The following OPCML variants were observed in gnomAD, a reference collection of about 807,000 sequenced individuals.
The protein encoded by OPCML is opioid-binding protein/cell adhesion molecule.
OPCML carries 13 observed loss-of-function variants against 37.8 expected under a neutral mutation model. The observed-to-expected ratio is 0.34, with a 90% confidence interval of 0.22 to 0.55. OPCML has a LOEUF of 0.55. Ranked by LOEUF, OPCML falls within the 20% of genes least tolerant of loss-of-function variation. The probability of loss-of-function intolerance (pLI) is 0.91; values close to 1 mark genes in which losing one functional copy is unlikely to be tolerated. For missense variants in OPCML, 341 were observed against 435.6 expected, an observed-to-expected ratio of 0.78 and a Z score of 1.93; for synonymous variants, 176 against 168.8, an observed-to-expected ratio of 1.04 and a Z score of -0.33.
At chr11:132,479,540 G>A (rs2096170735) in intron 4 of OPCML, among the ~76,000 whole-genome samples, 1 of 152,202 alleles carries the variant, frequency 6.6e-6, no homozygotes, top group Non-Finnish European at 1.5e-5. Flanking sequence ...AAGGAGGCCT[G>A]CCTGCCTCTG....
At chr11:133,118,514 C>T (rs145963678) in intron 1 of OPCML, 1 of 685,666 alleles carries the variant, frequency 1.5e-6, no homozygotes, top group African/African-American at 2.0e-5. Context: ...GAGAGAATTG[C>T]TCAGTAGCAA....
intron 1 of OPCML, among the ~76,000 whole-genome samples, chr11:133,150,664 T>C (rs894785013): frequency 2.6e-5 from 4 of 152,174 alleles, no homozygotes; most frequent in African/African-American, 7.2e-5. Context: ...CAGCACCCAC[T>C]GTGCAGTGTC....
chr11:133,532,414 A>G lies in OPCML; in HGVS notation c.-90T>C, dbSNP rs1814495633. 3 of 1,498,502 alleles carry G rather than the reference A, an allele frequency of 2.0e-6. No individual in the cohort carries two copies. The highest frequency in any genetic ancestry group is 2.7e-6 in the Non-Finnish European group (3 of 1,096,050). 92.8% of individuals were successfully genotyped at this position (1,498,502 alleles called of 1,614,324 possible). On this transcript the variant is annotated 5_prime_UTR_variant, in exon 1 of 8. Transcript: ENST00000524381. ...CCTTCCTCTGTGCTGAATTCTGAGC[A>G]GGTTTAAATCCAATGTTTGCAAAGG... is the stretch of plus-strand genomic sequence containing the variant.
intron 1 of OPCML, among the ~76,000 whole-genome samples, chr11:133,149,842 A>G (rs1172870125): frequency 6.6e-6 from 1 of 152,212 alleles, no homozygotes; most frequent in African/African-American, 2.4e-5. Context: ...TCACAGGAGG[A>G]TCGTCTGGGG....
At chr11:132,745,765 G>C (rs1218181173) in intron 2 of OPCML, among the ~76,000 whole-genome samples, 1 of 152,098 alleles carries the variant, frequency 6.6e-6, no homozygotes, top group African/African-American at 2.4e-5. Context: ...GTCAGGCCAG[G>C]TGGAAGCAGT....
At position 133,339,379 on chromosome 11, in the gene OPCML, A is replaced by G. The variant is rs116106510; in HGVS notation, c.61+192885T>C. 7.4e-3 allele frequency among the ~76,000 whole-genome samples: 1,131 copies of G among 152,282 alleles called. 10 individuals carry two copies. The highest frequency in any genetic ancestry group is 0.026 in the African/African-American group (1,077 of 41,566). ...ACAGCTAGTGAGTGTGGGAGCCATG[A>G]TTTGAAACCGGGGTTTGTTCCCATA... On this transcript the variant is annotated intron_variant, in intron 1 of 7. Transcript: ENST00000524381.
At chr11:132,539,528 CTGCTGA>C (rs2096350232) in intron 3 of OPCML, among the ~76,000 whole-genome samples, 1 of 151,440 alleles carries the variant, frequency 6.6e-6, no homozygotes, top group African/African-American at 2.4e-5. Flanking sequence ...GCTGCTGCTG[CTGCTGA>C]TGATGATGAT....
At chr11:132,813,484 G>A (rs1353644209) in intron 2 of OPCML, among the ~76,000 whole-genome samples, 1 of 152,202 alleles carries the variant, frequency 6.6e-6, no homozygotes, top group Non-Finnish European at 1.5e-5. Flanking sequence ...CACTACCAAT[G>A]CAAGAGAAGC....
chr11:132,648,839 C>T (rs112444844), intron 3 of OPCML, among the ~76,000 whole-genome samples: 46 of 152,242 alleles, frequency 3.0e-4, no homozygotes, highest in African/African-American at 1.1e-3. Context: ...TGTATTCATC[C>T]AGAGTCACAT....
At chr11:133,203,536 T>C (rs1164556444) in intron 1 of OPCML, among the ~76,000 whole-genome samples, 1 of 152,144 alleles carries the variant, frequency 6.6e-6, no homozygotes, top group Non-Finnish European at 1.5e-5. Context: ...TATCTCAAAT[T>C]ACCGCCAATA....
chr11:133,488,089 CA>C lies in OPCML; in HGVS notation c.61+44174del, dbSNP rs542530916. ...ATCCATTCATGATAAACATCCTCAACAAAGTAGACATAGAAGGAACACACCT... is the reference window on the plus strand; with the variant it reads ...ATCCATTCATGATAAACATCCTCAACAAGTAGACATAGAAGGAACACACCT... On this transcript the variant is annotated intron_variant, in intron 1 of 7. Transcript: ENST00000524381. 4.8e-3 allele frequency among the ~76,000 whole-genome samples: 728 copies of C among 152,156 alleles called. 2 individuals carry two copies. The highest frequency in any genetic ancestry group is 9.6e-3 in the Admixed American group (146 of 15,280).
intron 2 of OPCML, among the ~76,000 whole-genome samples, chr11:132,806,016 C>A (rs1418609731): frequency 6.6e-6 from 1 of 151,732 alleles, no homozygotes; most frequent in Admixed American, 6.6e-5. Context: ...CAATAGGAAG[C>A]GAGAATCAGA....
At chr11:133,112,477 A>C (rs1949271770) in intron 1 of OPCML, among the ~76,000 whole-genome samples, 1 of 152,192 alleles carries the variant, frequency 6.6e-6, no homozygotes, top group Non-Finnish European at 1.5e-5. Flanking sequence ...AAAAAGTACA[A>C]TTAGTCTTGG....
intron 1 of OPCML, among the ~76,000 whole-genome samples, chr11:133,140,577 A>AAGAAGG (rs748209202): frequency 1.2e-5 from 1 of 85,026 alleles, no homozygotes. Flanking sequence ...GAAGAAGAAG[A>AAGAAGG]AAGAAGAAAA....
chr11:133,026,430 C>A, intron 1 of OPCML: 1 of 985,358 alleles, frequency 1.0e-6, no homozygotes, highest in Non-Finnish European at 1.2e-6. Context: ...CTGTTTGCAT[C>A]CTCTTTTCTC....
At chr11:132,931,529 A>C (rs2136631476) in intron 2 of OPCML, among the ~76,000 whole-genome samples, 1 of 152,340 alleles carries the variant, frequency 6.6e-6, no homozygotes, top group South Asian at 2.1e-4. Context: ...TTCTCCAAAG[A>C]AGGATATACA....
chr11:133,016,465 C>T (rs1947338175), intron 1 of OPCML, among the ~76,000 whole-genome samples: 1 of 152,224 alleles, frequency 6.6e-6, no homozygotes, highest in Non-Finnish European at 1.5e-5. Flanking sequence ...GCTACTTTGA[C>T]TCTCTTTGAT....
At chr11:132,767,068 T>C (rs1204770220) in intron 2 of OPCML, among the ~76,000 whole-genome samples, 1 of 152,118 alleles carries the variant, frequency 6.6e-6, no homozygotes, top group African/African-American at 2.4e-5. Context: ...TTCCTAGAAA[T>C]GATGATAAAA....
chr11:132,979,459 T>C (rs767057320), intron 1 of OPCML, among the ~76,000 whole-genome samples: 1 of 152,204 alleles, frequency 6.6e-6, no homozygotes, highest in African/African-American at 2.4e-5. Context: ...CAGCCACATA[T>C]TCTTAAAAGG....
Sources: gnomAD v4.1 joint callset for allele counts (sites outside exome capture counted in the v4.1 genomes callset) on GRCh38, gnomAD v4.1.1 for gene constraint, MANE v1.5 for transcripts, NCBI Gene and HGNC (gene_info 2026-07-23, HGNC 2026-07-21) for gene names.